MYLK: variants seen among roughly 807,000 people sequenced by gnomAD.
The protein encoded by MYLK is myosin light chain kinase.
In MYLK, 106 loss-of-function variants were observed where a neutral mutation model predicts 203.4. The ratio of observed to expected loss-of-function variants is 0.52; its 90% confidence interval spans 0.45 to 0.61. The LOEUF (loss-of-function observed/expected upper bound fraction) is 0.61. Ranked by LOEUF, MYLK falls within the 20% of genes least tolerant of loss-of-function variation. The pLI, the probability that MYLK is intolerant of heterozygous loss-of-function variation, is 0.00. For missense variants in MYLK, 2,072 were observed against 2,442.3 expected (o/e 0.85, Z 3.20); for synonymous variants, 867 against 959.5 (o/e 0.90, Z 1.78).
intron 3 of MYLK, among the ~76,000 whole-genome samples, chr3:123,823,786 A>C (rs933190895): frequency 1.3e-5 from 2 of 152,176 alleles, no homozygotes; most frequent in Non-Finnish European, 2.9e-5. Flanking sequence ...GCTCTGGCTC[A>C]CTGCCCCAAA....
intron 2 of MYLK, among the ~76,000 whole-genome samples, chr3:123,842,957 CA>C (rs1260172521): frequency 6.6e-6 from 1 of 152,224 alleles, no homozygotes. Flanking sequence ...GGACGGACAC[CA>C]TGTCGGATCT....
intron 2 of MYLK, among the ~76,000 whole-genome samples, chr3:123,832,538 A>G (rs2066363965): frequency 6.6e-6 from 1 of 152,118 alleles, no homozygotes; most frequent in African/African-American, 2.4e-5. Flanking sequence ...TCCCTCCCAA[A>G]ATTTATGTTG....
At chr3:123,878,812 G>A (rs12629830) in intron 1 of MYLK, among the ~76,000 whole-genome samples, 14,673 of 152,090 alleles carry the variant, frequency 0.096, 1,089 homozygotes, top group East Asian at 0.35. Context: ...CCAGCCTCCC[G>A]AGTAGCTGGG....
intron 13 of MYLK, among the ~76,000 whole-genome samples, chr3:123,721,041 T>C (rs527513091): frequency 2.6e-5 from 4 of 152,354 alleles, no homozygotes; most frequent in South Asian, 4.1e-4. Context: ...CAGAGCCTTC[T>C]GTCTGAAATC....
chr3:123,676,031 C>T (rs1165292909), intron 20 of MYLK, among the ~76,000 whole-genome samples: 1 of 152,264 alleles, frequency 6.6e-6, no homozygotes, highest in East Asian at 1.9e-4. Flanking sequence ...TACATCCATT[C>T]CCAAACCCCC....
intron 29 of MYLK, among the ~76,000 whole-genome samples, chr3:123,631,412 A>AG (rs2058418921): frequency 6.9e-6 from 1 of 145,202 alleles, no homozygotes; most frequent in Non-Finnish European, 1.5e-5. Flanking sequence ...AAAAAAAAAA[A>AG]AGAGAGATGG....
chr3:123,753,024 T>C (rs965563181), intron 4 of MYLK, among the ~76,000 whole-genome samples: 1 of 152,172 alleles, frequency 6.6e-6, no homozygotes, highest in African/African-American at 2.4e-5. Flanking sequence ...AGCTCACAGA[T>C]GCTACTGATG....
intron 2 of MYLK, among the ~76,000 whole-genome samples, chr3:123,870,392 G>A (rs1186988418): frequency 6.6e-6 from 1 of 152,164 alleles, no homozygotes; most frequent in Non-Finnish European, 1.5e-5. Flanking sequence ...CCACTGAAGG[G>A]CACAGGTGTT....
rs552935984 is a variant in MYLK at position 123,699,235 on chromosome 3, TA to T, written c.3448+784del. ...AACCAAATTGAGGGTCCAGAGAAAATACTCCTGTGTCACCCCCATCTCTTCT... is the reference window on the plus strand; with the variant it reads ...AACCAAATTGAGGGTCCAGAGAAAATCTCCTGTGTCACCCCCATCTCTTCT... On this transcript the variant is annotated intron_variant, in intron 18 of 33. Transcript: ENST00000360304. Among the ~76,000 whole-genome samples, 79 of 151,502 alleles carry T rather than the reference TA, an allele frequency of 5.2e-4. No homozygotes were observed. The South Asian group carries it at 0.011, about 21-fold the overall frequency.
chr3:123,693,526 C>G (rs2060776410), intron 18 of MYLK: 1 of 153,892 alleles, frequency 6.5e-6, no homozygotes, highest in African/African-American at 2.4e-5. Flanking sequence ...GGGGCTGCCT[C>G]CCTTCGGAGT....
intron 29 of MYLK, among the ~76,000 whole-genome samples, chr3:123,631,680 G>T (rs946019946): frequency 2.6e-5 from 4 of 152,086 alleles, no homozygotes; most frequent in Non-Finnish European, 5.9e-5. Flanking sequence ...CAACATATTT[G>T]TGTTTCTGAA....
At chr3:123,625,633 C>T (rs1038749989) in intron 31 of MYLK, among the ~76,000 whole-genome samples, 1 of 151,686 alleles carries the variant, frequency 6.6e-6, no homozygotes, top group Non-Finnish European at 1.5e-5. Flanking sequence ...ACGGTGAAAC[C>T]CTGTCTCCAC....
At chr3:123,621,200 A>G (rs961230435) in intron 31 of MYLK, 5 of 152,162 alleles carry the variant, frequency 3.3e-5, no homozygotes, top group African/African-American at 9.7e-5. Context: ...ATAATGTACA[A>G]TTGTGTCTTA....
At position 123,789,686 on chromosome 3, in the gene MYLK, C is replaced by T. The variant is rs968740292; in HGVS notation, c.165+3991G>A. 3.5e-5 allele frequency among the ~76,000 whole-genome samples: 5 copies of T among 141,516 alleles called. 1 individual carries two copies. Among genetic ancestry groups the T allele is most frequent in the Non-Finnish European group, 6.1e-5 (4 of 65,246 alleles). The allele number at this position is 141,516 out of a possible 152,430, so 92.8% of individuals were successfully genotyped here. ...AAAAAAAAAAAAAAAAAAGAAGGAA[C>T]GGAAGGGAAGAGATGGGAAGGAGAG... On this transcript the variant is annotated intron_variant, in intron 4 of 33. Transcript: ENST00000360304.
chr3:123,692,524 C>T, intron 19 of MYLK: 2 of 790,674 alleles, frequency 2.5e-6, no homozygotes, highest in South Asian at 3.3e-5. Flanking sequence ...AGGGGTGAAG[C>T]CATGTAGGTG....
chr3:123,707,995 C>T lies in MYLK; in HGVS notation c.2149G>A (p.Asp717Asn), dbSNP rs150936840. The T allele has an allele frequency of 8.1e-5, 130 of 1,613,930 alleles. No homozygotes were observed. Among genetic ancestry groups the T allele is most frequent in the Middle Eastern group, 6.6e-4 (4 of 6,066 alleles). ...QAVLTVQEPH[D>N]GTQPWFISKP... is the part of the protein sequence containing the mutation. The stretch of plus-strand genomic sequence containing the variant: ...CTGATGAACCAGGGCTGGGTGCCAT[C>T]GTGAGGCTCTGGAAATTGGCAAAGG... The change falls in exon 16 of 34, where the codon GAT becomes AAT. Residue 717 changes from aspartate to asparagine, a missense_variant. Physicochemically the swap from Asp to Asn is conservative, Grantham distance 23. Transcript: ENST00000360304.
At chr3:123,690,497 AAT>A (rs775938403) in intron 19 of MYLK, among the ~76,000 whole-genome samples, 10 of 152,258 alleles carry the variant, frequency 6.6e-5, no homozygotes, top group Admixed American at 4.6e-4. Flanking sequence ...GAGGGGACAG[AAT>A]GAGGGCAGGA....
intron 13 of MYLK, among the ~76,000 whole-genome samples, chr3:123,714,936 G>A (rs145150171): frequency 2.5e-3 from 383 of 152,230 alleles, no homozygotes; most frequent in South Asian, 5.0e-3. Context: ...CCATGTAGAC[G>A]AAGCTGTTAA....
intron 4 of MYLK, among the ~76,000 whole-genome samples, chr3:123,777,503 C>T (rs961525501): frequency 2.6e-5 from 4 of 152,226 alleles, no homozygotes; most frequent in Non-Finnish European, 5.9e-5. Context: ...TATATACCCA[C>T]ACTCTGCCAC....
Sources: gnomAD v4.1 joint callset for allele counts (sites outside exome capture counted in the v4.1 genomes callset) on GRCh38, gnomAD v4.1.1 for gene constraint, MANE v1.5 for transcripts, NCBI Gene and HGNC (gene_info 2026-07-23, HGNC 2026-07-21) for gene names.